PPA2: variants seen among roughly 807,000 people sequenced by gnomAD.
PPA2 encodes the protein inorganic pyrophosphatase 2, mitochondrial.
A neutral mutation model predicts 49.5 loss-of-function variants in PPA2; 48 were observed. That is an observed-to-expected ratio of 0.97 (90% CI 0.77 to 1.23). The LOEUF (loss-of-function observed/expected upper bound fraction) is 1.23. Ranked by LOEUF, PPA2 falls within the 50% of genes most tolerant of loss-of-function variation. PPA2 has a pLI of 0.00. For missense variants in PPA2, 429 were observed against 410.1 expected (o/e 1.05, Z -0.40); for synonymous variants, 131 against 139.9 (o/e 0.94, Z 0.45).
chr4:105,391,618 A>G (rs962810606), intron 9 of PPA2, among the ~76,000 whole-genome samples: 20 of 152,174 alleles, frequency 1.3e-4, no homozygotes, highest in African/African-American at 4.3e-4. Context: ...GAAACTGTGC[A>G]GAGGTGACAT....
At chr4:105,463,036 A>G (rs536231623) in intron 1 of PPA2, among the ~76,000 whole-genome samples, 3 of 152,360 alleles carry the variant, frequency 2.0e-5, no homozygotes, top group African/African-American at 7.2e-5. Flanking sequence ...TGCTGAAAAG[A>G]TAACTGAAAA....
At chr4:105,440,757 T>A (rs1724323148) in intron 5 of PPA2, among the ~76,000 whole-genome samples, 1 of 152,218 alleles carries the variant, frequency 6.6e-6, no homozygotes, top group Non-Finnish European at 1.5e-5. Context: ...AACTTAGTTG[T>A]GGTGACTATT....
At position 105,373,075 on chromosome 4, in the gene PPA2, A is replaced by C. The variant is rs535230567; in HGVS notation, c.940-2202T>G. On this transcript the variant is annotated intron_variant, in intron 10 of 11. Transcript: ENST00000341695. The stretch of plus-strand genomic sequence containing the variant: ...GCTGGTCTTGAACTTCTGGGCTCAA[A>C]CTTTCCTCCCACCTTGGTCTCCCAA... 3.3e-5 allele frequency among the ~76,000 whole-genome samples: 5 copies of C among 152,232 alleles called. 1 individual carries two copies. In the South Asian group the frequency reaches 1.0e-3, roughly 32 times the overall value.
At chr4:105,454,142 G>C (rs1261994473) in intron 2 of PPA2, among the ~76,000 whole-genome samples, 1 of 152,080 alleles carries the variant, frequency 6.6e-6, no homozygotes, top group Non-Finnish European at 1.5e-5. Flanking sequence ...AATTAAAACT[G>C]ACTTCGTGGT....
chr4:105,380,099 AG>A (rs1733426265), intron 10 of PPA2, among the ~76,000 whole-genome samples: 1 of 152,188 alleles, frequency 6.6e-6, no homozygotes, highest in Admixed American at 6.5e-5. Flanking sequence ...TGCACTGGCT[AG>A]AACCTTCAGT....
At chr4:105,469,306 CT>C (rs1723430590) in intron 1 of PPA2, among the ~76,000 whole-genome samples, 1 of 152,208 alleles carries the variant, frequency 6.6e-6, no homozygotes, top group Admixed American at 6.5e-5. Context: ...AAAATTCTCC[CT>C]TCAACTGGTC....
At chr4:105,440,138 C>T (rs917976642) in intron 5 of PPA2, among the ~76,000 whole-genome samples, 8 of 152,080 alleles carry the variant, frequency 5.3e-5, no homozygotes, top group Non-Finnish European at 1.0e-4. Context: ...AGAACAAATG[C>T]GACAAGCTAG....
intron 9 of PPA2, among the ~76,000 whole-genome samples, chr4:105,395,654 A>AT (rs34740678): frequency 0.37 from 56,667 of 151,716 alleles, 12,545 homozygotes; most frequent in East Asian, 0.68. Flanking sequence ...AATTTAAATG[A>AT]TTTTTTTAAA....
In PPA2 at chr4:105,453,623, T is replaced by A; in HGVS notation, c.242A>T (p.Lys81Met). The change falls in exon 3 of 12, where the codon AAG (lysine) becomes ATG (methionine). Residue 81 changes from lysine to methionine, a missense_variant. Lys to Met is a moderately conservative substitution (Grantham distance 95). Transcript: ENST00000341695. ...NSKEENGIPMKKARNDEYENL... is the reference protein window; with the variant it reads ...NSKEENGIPMMKARNDEYENL... ...CTCATATTCATCATTTCGTGCTTTC[T>A]TCATAGGAATGCCATTTTCCTATAA... The A allele has an allele frequency of 3.7e-6, 6 of 1,606,852 alleles. No homozygotes were observed. Among genetic ancestry groups the A allele is most frequent in the Non-Finnish European group, 5.1e-6 (6 of 1,176,684 alleles).
chr4:105,391,676 G>A (rs913833137), intron 9 of PPA2, among the ~76,000 whole-genome samples: 1 of 152,152 alleles, frequency 6.6e-6, no homozygotes, highest in African/African-American at 2.4e-5. Context: ...AGAAAGACAA[G>A]GGGATAGGAA....
intron 7 of PPA2, among the ~76,000 whole-genome samples, chr4:105,422,604 G>A (rs1171685412): frequency 6.7e-6 from 1 of 150,034 alleles, no homozygotes; most frequent in Non-Finnish European, 1.5e-5. Context: ...TTATAGATGG[G>A]CTATATATTG....
chr4:105,424,718 A>G (rs1423494391), intron 6 of PPA2, among the ~76,000 whole-genome samples: 1 of 152,186 alleles, frequency 6.6e-6, no homozygotes, highest in African/African-American at 2.4e-5. Context: ...TCCAAACCAC[A>G]GCAGAGAGAA....
chr4:105,431,084 G>T (rs1335607499), intron 6 of PPA2, among the ~76,000 whole-genome samples: 1 of 152,170 alleles, frequency 6.6e-6, no homozygotes, highest in East Asian at 1.9e-4. Context: ...AGGACAGAGG[G>T]TTGGGAGTGT....
At chr4:105,409,553 G>A (rs1039914303) in intron 7 of PPA2, among the ~76,000 whole-genome samples, 2 of 152,246 alleles carry the variant, frequency 1.3e-5, no homozygotes, top group African/African-American at 2.4e-5. Context: ...TCCCAGCACA[G>A]CGTTTGAACT....
intron 10 of PPA2, among the ~76,000 whole-genome samples, chr4:105,377,801 GTA>G (rs1218061558): frequency 1.3e-5 from 2 of 151,958 alleles, no homozygotes; most frequent in African/African-American, 4.8e-5. Flanking sequence ...GAAAAAATGT[GTA>G]TGATATATCT....
chr4:105,392,296 G>C (rs1221873590), intron 9 of PPA2, among the ~76,000 whole-genome samples: 1 of 152,012 alleles, frequency 6.6e-6, no homozygotes, highest in Non-Finnish European at 1.5e-5. Context: ...TTCGGAGAAA[G>C]AGAATTTTCA....
At position 105,396,258 on chromosome 4, in the gene PPA2, G is replaced by C. The variant is rs1316900131; in HGVS notation, c.860C>G (p.Ala287Gly). The C allele has an allele frequency of 6.4e-7, 1 of 1,569,866 alleles. No homozygotes were observed. The highest frequency in any genetic ancestry group is 1.8e-5 in the Admixed American group (1 of 54,508). Residue 287 changes from alanine to glycine, a missense_variant, in exon 9 of 12, where the codon GCT (alanine) becomes GGT (glycine). Physicochemically the swap from Ala to Gly is moderately conservative, Grantham distance 60 (BLOSUM62 0). Transcript: ENST00000341695. Reference sequence around the variant, plus strand: ...AAAGACAAATTCTTACCAATTTATAGCTCCTCCATTACACTTCTTCATAAG... The same window carrying C: ...AAAGACAAATTCTTACCAATTTATACCTCCTCCATTACACTTCTTCATAAG... ...ALLMKKCNGGAINCTNVQISD... is the reference protein window; with the variant it reads ...ALLMKKCNGGGINCTNVQISD...
chr4:105,406,382 C>T (rs968175402), intron 7 of PPA2, among the ~76,000 whole-genome samples: 8 of 151,706 alleles, frequency 5.3e-5, no homozygotes, highest in East Asian at 3.9e-4. Context: ...ACAGAGCCCC[C>T]GCAAAAGTGA....
In PPA2 at chr4:105,396,300, T is replaced by C. The variant is rs1386315078; in HGVS notation, c.818A>G (p.Gln273Arg). 1 of 1,599,014 alleles carries C rather than the reference T, an allele frequency of 6.3e-7. No homozygotes were observed. Among genetic ancestry groups the C allele is most frequent in the Admixed American group, 1.7e-5 (1 of 57,452 alleles). ...CTTCATAAGCAATGCTTTCCAACAT[T>C]GATGAGTGGATTTAATAACTTCAAG... is the stretch of plus-strand genomic sequence containing the variant. ...FALEVIKSTHQCWKALLMKKC... is the reference protein window; with the variant it reads ...FALEVIKSTHRCWKALLMKKC... The change falls in exon 9 of 12, where the codon CAA becomes CGA. Residue 273 changes from glutamine (Q) to arginine (R), a missense_variant. By Grantham distance (43) the Gln-to-Arg change is conservative. Coordinates refer to ENST00000341695, the MANE Select transcript of PPA2 (RefSeq NM_176869.3).
Sources: allele counts gnomAD v4.1 joint callset (sites outside exome capture counted in the v4.1 genomes callset), GRCh38; gene constraint gnomAD v4.1.1; transcripts MANE v1.5; gene names NCBI Gene and HGNC (gene_info 2026-07-23, HGNC 2026-07-21).